Variants in DCLK1 observed in about 807,000 individuals in gnomAD.
DCLK1 encodes the protein doublecortin like kinase 1, also known as serine/threonine-protein kinase DCLK1.
Under a neutral mutation model 86.2 loss-of-function variants are expected in DCLK1, and 16 were observed. That is an observed-to-expected ratio of 0.19 (90% CI 0.13 to 0.28). DCLK1 has a LOEUF of 0.28. Ranked by LOEUF, DCLK1 falls within the 10% of genes least tolerant of loss-of-function variation. DCLK1 has a pLI of 1.00. For missense variants in DCLK1, 590 were observed against 940.2 expected (o/e 0.63, Z 4.87); for synonymous variants, 369 against 370.5 (o/e 1.00, Z 0.05).
At chr13:36,105,211 A>C (rs1885347565) in intron 3 of DCLK1, among the ~76,000 whole-genome samples, 1 of 152,230 alleles carries the variant, frequency 6.6e-6, no homozygotes, top group Non-Finnish European at 1.5e-5. Context: ...TATATCATGA[A>C]GCATTTCCAT....
intron 4 of DCLK1, among the ~76,000 whole-genome samples, chr13:35,936,713 C>G (rs1413724257): frequency 6.6e-6 from 1 of 152,056 alleles, no homozygotes; most frequent in Non-Finnish European, 1.5e-5. Context: ...TACTGGATGG[C>G]CTGTTGTTGG....
Position 35,771,559 on chromosome 13 carries a change from C to T in DCLK1, c.*2976G>A, listed in dbSNP as rs2086333804. ...TGTGTTCATTAATATGAACACATGT[C>T]TACAGAGATGATTTACACGATGCAA... On this transcript the variant is annotated 3_prime_UTR_variant, in exon 17 of 17. Transcript: ENST00000360631. 1 of 152,126 alleles carries T rather than the reference C, an allele frequency of 6.6e-6. No homozygotes were observed. The allele number at this position is 152,126 out of a possible 1,614,324, so 9.4% of individuals were successfully genotyped here.
chr13:35,997,771 G>T (rs1329475726), intron 3 of DCLK1, among the ~76,000 whole-genome samples: 2 of 152,174 alleles, frequency 1.3e-5, no homozygotes, highest in Non-Finnish European at 2.9e-5. Flanking sequence ...GCTTCTCATG[G>T]ATTAACTACT....
At chr13:35,779,689 G>A (rs1257341895) in intron 16 of DCLK1, among the ~76,000 whole-genome samples, 1 of 152,172 alleles carries the variant, frequency 6.6e-6, no homozygotes, top group Non-Finnish European at 1.5e-5. Context: ...AAATTCTTAT[G>A]TCAGATAAAG....
At chr13:36,124,352 G>GGAA (rs1195828376) in intron 2 of DCLK1, among the ~76,000 whole-genome samples, 1 of 152,214 alleles carries the variant, frequency 6.6e-6, no homozygotes, top group Non-Finnish European at 1.5e-5. Context: ...CTGAATAGAA[G>GGAA]GAAAAAGGCC....
In DCLK1 at chr13:35,874,408, G is replaced by C. The variant is rs146972513; in HGVS notation, c.824-3068C>G. On this transcript the variant is annotated intron_variant, in intron 4 of 16. Coordinates refer to ENST00000360631, the MANE Select transcript of DCLK1 (RefSeq NM_001330071.2). ...CTAGAGAGTCTCATGAATTGAAATG[G>C]GGGAAAAGAAGAGGGAATATTAAAA... 1.6e-3 allele frequency among the ~76,000 whole-genome samples: 236 copies of C among 152,184 alleles called. 1 individual carries two copies. Among genetic ancestry groups the C allele is most frequent in the African/African-American group, 5.4e-3 (224 of 41,540 alleles).
Position 35,839,121 on chromosome 13 carries a change from G to T in DCLK1, c.1091C>A (p.Ser364Ter). The T allele has an allele frequency of 6.3e-7, 1 of 1,599,836 alleles. No homozygotes were observed. Among genetic ancestry groups the T allele is most frequent in the Non-Finnish European group, 8.5e-7 (1 of 1,173,454 alleles). ...TCCAGGGCCATCGTTCTCATCCATC[G>T]AGCTGCAGACTTTGGTGGACGCAAG... ...TSLASTKVCS[S>*]MDENDGPGEE... Residue 364 changes from serine to a stop codon, truncating the protein, a stop_gained, in exon 7 of 17, where the codon TCG (serine) becomes TAG (stop). Transcript: ENST00000360631. LOFTEE classifies it high-confidence loss of function.
At chr13:36,044,564 CAGAT>C (rs557717122) in intron 3 of DCLK1, among the ~76,000 whole-genome samples, 6 of 151,988 alleles carry the variant, frequency 3.9e-5, no homozygotes, top group East Asian at 1.9e-4. Context: ...TCTCAAGAAA[CAGAT>C]AGGTACATAG....
intron 4 of DCLK1, among the ~76,000 whole-genome samples, chr13:35,913,637 T>A (rs1379837364): frequency 6.6e-6 from 1 of 152,206 alleles, no homozygotes; most frequent in Non-Finnish European, 1.5e-5. Flanking sequence ...TTCTTAAAAC[T>A]CTGACTATGC....
rs116895185 is a variant in DCLK1 at position 35,769,653 on chromosome 13, T to G, written c.*4882A>C. On this transcript the variant is annotated 3_prime_UTR_variant, in exon 17 of 17. Coordinates refer to ENST00000360631, the MANE Select transcript of DCLK1 (RefSeq NM_001330071.2). Reference sequence around the variant, plus strand: ...GTGAACTGACATTATAGCATCTTTATCATCACCTTTAAAATTCTATTTTCT... The same window carrying G: ...GTGAACTGACATTATAGCATCTTTAGCATCACCTTTAAAATTCTATTTTCT... 5 of 152,344 alleles carry G rather than the reference T, an allele frequency of 3.3e-5. No individual in the cohort carries two copies. Among genetic ancestry groups the G allele is most frequent in the Non-Finnish European group, 5.9e-5 (4 of 68,026 alleles). 9.4% of individuals were successfully genotyped at this position (152,344 alleles called of 1,614,324 possible).
chr13:35,842,180 G>A (rs1439605611), intron 6 of DCLK1, among the ~76,000 whole-genome samples: 1 of 118,752 alleles, frequency 8.4e-6, no homozygotes, highest in Non-Finnish European at 1.6e-5. Context: ...AGTGAGCCGA[G>A]ATCGCGCCAC....
At chr13:36,010,384 T>G in intron 3 of DCLK1, among the ~76,000 whole-genome samples, 2 of 100,174 alleles carry the variant, frequency 2.0e-5, no homozygotes, top group African/African-American at 7.8e-5. Flanking sequence ...GCTCTTATTA[T>G]TTTGAAATAC....
At chr13:35,978,529 T>C (rs1879472152) in intron 3 of DCLK1, among the ~76,000 whole-genome samples, 1 of 152,096 alleles carries the variant, frequency 6.6e-6, no homozygotes, top group Non-Finnish European at 1.5e-5. Flanking sequence ...TTTCATTCAA[T>C]AAGTCTACAA....
In DCLK1 at chr13:35,887,207, T is replaced by C. The variant is rs1272555408; in HGVS notation, c.824-15867A>G. Among the ~76,000 whole-genome samples, 6 of 152,338 alleles carry C rather than the reference T, an allele frequency of 3.9e-5. No homozygotes were observed. In the East Asian group the frequency reaches 1.2e-3, roughly 29 times the overall value. On this transcript the variant is annotated intron_variant, in intron 4 of 16. Coordinates refer to ENST00000360631, the MANE Select transcript of DCLK1 (RefSeq NM_001330071.2). Reference sequence around the variant, plus strand: ...AATTGCTTGGGGAAATTACAGGTGATCTAAGTGCCACAGGTGACCTGTTTG... The same window carrying C: ...AATTGCTTGGGGAAATTACAGGTGACCTAAGTGCCACAGGTGACCTGTTTG...
In DCLK1 at chr13:36,112,065, A is replaced by G; in HGVS notation, c.527T>C (p.Val176Ala). 1 of 1,614,122 alleles carries G rather than the reference A, an allele frequency of 6.2e-7. No individual in the cohort carries two copies. The highest frequency in any genetic ancestry group is 8.5e-7 in the Non-Finnish European group (1 of 1,180,024). Residue 176 changes from valine to alanine, a missense_variant, in exon 3 of 17, where the codon GTG becomes GCG. By Grantham distance (64) the Val-to-Ala change is moderately conservative. This residue lies in a region of DCLK1 where 195 missense variants were observed against 365.1 expected (regional missense o/e 0.53). Coordinates refer to ENST00000360631, the MANE Select transcript of DCLK1 (RefSeq NM_001330071.2). ...LATAKGSPSE[V>A]RENKDFIRPK... ...CCGAATGAAATCCTTATTCTCTCGC[A>G]CCTCTGAAGGGCTTCCTTTGGCAGT...
chr13:36,081,777 A>G (rs1459741589), intron 3 of DCLK1, among the ~76,000 whole-genome samples: 1 of 152,216 alleles, frequency 6.6e-6, no homozygotes, highest in Non-Finnish European at 1.5e-5. Flanking sequence ...CATTTATTCA[A>G]CTTAAGTAGA....
intron 4 of DCLK1, among the ~76,000 whole-genome samples, chr13:35,896,682 T>C (rs1272385300): frequency 3.3e-5 from 5 of 151,652 alleles, no homozygotes; most frequent in Non-Finnish European, 2.9e-5. Context: ...AGAGAAATCA[T>C]TCCCTCGTGT....
intron 3 of DCLK1, among the ~76,000 whole-genome samples, chr13:36,077,905 C>T (rs1884267893): frequency 6.6e-6 from 1 of 152,200 alleles, no homozygotes; most frequent in African/African-American, 2.4e-5. Context: ...ACTTTGTGAG[C>T]TCTGATCCTT....
intron 3 of DCLK1, among the ~76,000 whole-genome samples, chr13:35,999,586 C>T (rs1277608650): frequency 6.6e-6 from 1 of 152,208 alleles, no homozygotes; most frequent in Non-Finnish European, 1.5e-5. Context: ...GCCCTCCCTG[C>T]CATCAGGGAG....
Sources: allele counts gnomAD v4.1 joint callset (sites outside exome capture counted in the v4.1 genomes callset), GRCh38; gene constraint gnomAD v4.1.1; regional missense constraint gnomAD v4.1.1; transcripts MANE v1.5; gene names NCBI Gene and HGNC (gene_info 2026-07-23, HGNC 2026-07-21).